UNC13C: variants seen among roughly 807,000 people sequenced by gnomAD.
The protein encoded by UNC13C is protein unc-13 homolog C.
UNC13C carries 174 observed loss-of-function variants against 245.4 expected under a neutral mutation model. The ratio of observed to expected loss-of-function variants is 0.71; its 90% CI spans 0.63 to 0.80. UNC13C has a LOEUF of 0.80. Ranked by LOEUF, UNC13C falls within the 30% of genes least tolerant of loss-of-function variation. The pLI is 0.00. For synonymous variants in UNC13C, 992 were observed against 895.1 expected (o/e 1.11, Z -1.93); for missense variants, 2,829 against 2,602.9 (o/e 1.09, Z -1.89).
At chr15:53,864,066 A>G in the UNC13C span, among the ~76,000 whole-genome samples, 3 of 152,064 alleles carry the variant, frequency 2.0e-5, no homozygotes, top group African/African-American at 7.2e-5. Flanking sequence ...GCTGCTTTCT[A>G]TGCCTTGTTT....
At chr15:53,945,789 A>T in the UNC13C span, among the ~76,000 whole-genome samples, 25 of 152,118 alleles carry the variant, frequency 1.6e-4, no homozygotes, top group Admixed American at 5.2e-4. Context: ...GAATAATATT[A>T]TTGGTAGTTT....
chr15:54,242,971 CT>C (rs1567129134), intron 7 of UNC13C, among the ~76,000 whole-genome samples: 1 of 152,072 alleles, frequency 6.6e-6, no homozygotes, highest in East Asian at 1.9e-4. Context: ...ACATTCTTCT[CT>C]TTTTTTTCCG....
chr15:54,119,476 C>G (rs1050960490), intron 2 of UNC13C, among the ~76,000 whole-genome samples: 1 of 152,114 alleles, frequency 6.6e-6, no homozygotes, highest in Non-Finnish European at 1.5e-5. Context: ...TCTGAGTACT[C>G]CACATATAGG....
At chr15:54,141,641 T>C (rs902398185) in intron 2 of UNC13C, among the ~76,000 whole-genome samples, 6 of 152,126 alleles carry the variant, frequency 3.9e-5, no homozygotes, top group African/African-American at 1.4e-4. Flanking sequence ...AGATTAGTCA[T>C]ATCATTATTT....
At chr15:54,001,739 CTG>C (rs1894897315) in intron 1 of UNC13C, among the ~76,000 whole-genome samples, 1 of 152,256 alleles carries the variant, frequency 6.6e-6, no homozygotes, top group South Asian at 2.1e-4. Context: ...AATGAGGAAA[CTG>C]AGAAACAGAG....
At chr15:54,265,311 C>T (rs764666905) in intron 9 of UNC13C, 44 bp from the exon 10 acceptor site, 2 of 1,342,866 alleles carry the variant, frequency 1.5e-6, no homozygotes, top group Non-Finnish European at 1.9e-6. Context: ...TTTTTTGTTT[C>T]TGAGGACTCT....
In UNC13C at chr15:54,285,058, A is replaced by G. The variant is rs80129347; in HGVS notation, c.3819-8837A>G. ...CTTTGTTTCTATGATCTGTTAAAAC[A>G]TAAGTGCTTTCTTCAGTCAACCCTT... On this transcript the variant is annotated intron_variant, in intron 10 of 32. Transcript: ENST00000260323. Among the ~76,000 whole-genome samples the G allele has an allele frequency of 9.0e-3, 1,375 of 152,302 alleles. 25 individuals are homozygous for G. Among genetic ancestry groups the G allele is most frequent in the African/African-American group, 0.032 (1,332 of 41,568 alleles).
Position 54,451,000 on chromosome 15 carries a change from T to G in UNC13C, c.4933+35933T>G, listed in dbSNP as rs148985190. Among the ~76,000 whole-genome samples, 768 of 152,284 alleles carry G rather than the reference T, an allele frequency of 5.0e-3. 6 individuals carry two copies. Among genetic ancestry groups the G allele is most frequent in the African/African-American group, 0.017 (718 of 41,548 alleles). ...CTTTATTTATGAAGGATAACTTTAC[T>G]GTGTATAGTATTTTTGGTGGATACT... is the stretch of plus-strand genomic sequence containing the variant. On this transcript the variant is annotated intron_variant, in intron 19 of 32. Coordinates refer to ENST00000260323, the MANE Select transcript of UNC13C (RefSeq NM_001080534.3).
chr15:54,552,487 ATATTATATT>A (rs1896806500), intron 28 of UNC13C, among the ~76,000 whole-genome samples: 2 of 45,998 alleles, frequency 4.3e-5, no homozygotes, highest in African/African-American at 1.3e-4. Flanking sequence ...ATATAATTAT[ATATTATATT>A]ATATATAATT....
chr15:53,864,107 G>A, the UNC13C span, among the ~76,000 whole-genome samples: 1 of 152,066 alleles, frequency 6.6e-6, no homozygotes, highest in Non-Finnish European at 1.5e-5. Flanking sequence ...TGTGTCTCCT[G>A]ACATCTTCAC....
At chr15:54,009,508 A>C (rs1260173553) in intron 1 of UNC13C, among the ~76,000 whole-genome samples, 2 of 152,026 alleles carry the variant, frequency 1.3e-5, no homozygotes, top group Non-Finnish European at 2.9e-5. Context: ...ATTAATGTAC[A>C]AGATAAAGCA....
chr15:53,945,775 A>G, the UNC13C span, among the ~76,000 whole-genome samples: 1 of 151,866 alleles, frequency 6.6e-6, no homozygotes, highest in Non-Finnish European at 1.5e-5. Flanking sequence ...TTTCCTAGTT[A>G]TGTGAATAAT....
intron 2 of UNC13C, among the ~76,000 whole-genome samples, chr15:54,136,055 T>C (rs2031712890): frequency 6.6e-6 from 1 of 152,212 alleles, no homozygotes. Flanking sequence ...TGTAGTCTTA[T>C]AGTTTCCAGT....
At chr15:54,095,839 A>G (rs796172758) in intron 2 of UNC13C, among the ~76,000 whole-genome samples, 7 of 152,354 alleles carry the variant, frequency 4.6e-5, no homozygotes, top group African/African-American at 1.7e-4. Context: ...AAGGATTAGT[A>G]TATATTAGTA....
Position 54,210,209 on chromosome 15 carries a change from AAT to A in UNC13C, c.3072-24807_3072-24806del, listed in dbSNP as rs949146182. 5.0e-4 allele frequency among the ~76,000 whole-genome samples: 69 copies of A among 138,928 alleles called. 1 individual carries two copies. The highest frequency in any genetic ancestry group is 5.3e-4 in the Admixed American group (7 of 13,208). The allele number at this position is 138,928 out of a possible 152,430, so 91.1% of individuals were successfully genotyped here. A position where few individuals can be genotyped will look rare whatever the true frequency, so the allele number is the denominator to read the frequency against. On this transcript the variant is annotated intron_variant, in intron 4 of 32. Transcript: ENST00000260323. ...TGCAAAGAAAACTTACTATATATAA[AAT>A]ATATATATATATAGTTAACTGCATT... is the stretch of plus-strand genomic sequence containing the variant.
chr15:54,359,102 G>T (rs2140859771), intron 17 of UNC13C, among the ~76,000 whole-genome samples: 1 of 151,632 alleles, frequency 6.6e-6, no homozygotes, highest in African/African-American at 2.4e-5. Flanking sequence ...TTTTGTCCTT[G>T]ATTCTGTTAG....
At chr15:54,564,047 A>G (rs894778420) in intron 29 of UNC13C, among the ~76,000 whole-genome samples, 3 of 152,058 alleles carry the variant, frequency 2.0e-5, no homozygotes, top group Non-Finnish European at 4.4e-5. Flanking sequence ...TTGCATAACC[A>G]TAGAAATCAC....
chr15:54,168,775 C>T (rs564348572), intron 4 of UNC13C, among the ~76,000 whole-genome samples: 4 of 151,890 alleles, frequency 2.6e-5, no homozygotes, highest in East Asian at 1.9e-4. Context: ...AAAAAATCAG[C>T]GAAAACTAAA....
At chr15:54,421,209 T>G (rs2040635153) in intron 19 of UNC13C, among the ~76,000 whole-genome samples, 1 of 152,012 alleles carries the variant, frequency 6.6e-6, no homozygotes, top group Non-Finnish European at 1.5e-5. Flanking sequence ...GATTCTAGTA[T>G]GTATTCATAC....
Sources: allele counts gnomAD v4.1 joint callset (sites outside exome capture counted in the v4.1 genomes callset), GRCh38; gene constraint gnomAD v4.1.1; transcripts MANE v1.5; gene names NCBI Gene and HGNC (gene_info 2026-07-23, HGNC 2026-07-21).